The following UBE2E3 variants were observed in gnomAD, a reference collection of about 807,000 sequenced individuals.
The protein encoded by UBE2E3 is ubiquitin conjugating enzyme E2 E3.
UBE2E3 carries 5 observed loss-of-function variants against 23.6 expected under a neutral mutation model. That is an observed-to-expected ratio of 0.21 (90% CI 0.11 to 0.44). The LOEUF (loss-of-function observed/expected upper bound fraction) is 0.44, where lower values mean the gene tolerates loss of function less well. Ranked by LOEUF, UBE2E3 falls within the 20% of genes least tolerant of loss-of-function variation. The pLI is 0.99. For synonymous variants in UBE2E3, 78 were observed against 87.5 expected, an observed-to-expected ratio of 0.89 and a Z score of 0.60; for missense variants, 81 against 249.8, an observed-to-expected ratio of 0.32 and a Z score of 4.55.
intron 3 of UBE2E3, among the ~76,000 whole-genome samples, chr2:181,054,555 G>A (rs1686934780): frequency 6.6e-6 from 1 of 151,726 alleles, no homozygotes; most frequent in Non-Finnish European, 1.5e-5. Flanking sequence ...ATCTGTTCAG[G>A]TATTTCACCC....
chr2:181,039,257 C>T (rs560861857), intron 3 of UBE2E3, among the ~76,000 whole-genome samples: 1 of 148,264 alleles, frequency 6.7e-6, no homozygotes, highest in South Asian at 2.1e-4. Flanking sequence ...CAAAACTTAG[C>T]AGTGTTTATT....
At chr2:180,996,638 C>T (rs948226554) in intron 3 of UBE2E3, among the ~76,000 whole-genome samples, 1 of 151,722 alleles carries the variant, frequency 6.6e-6, no homozygotes, top group Non-Finnish European at 1.5e-5. Flanking sequence ...CTCTTCCCCC[C>T]CATTTCCAGG....
At position 181,035,163 on chromosome 2, in the gene UBE2E3, A is replaced by G. The variant is rs559974233; in HGVS notation, c.246-22530A>G. ...AAATAACTGTTTTGTTTTAATATTTATATGCATTCTATATAAGGGATAACC... is the reference window on the plus strand; with the variant it reads ...AAATAACTGTTTTGTTTTAATATTTGTATGCATTCTATATAAGGGATAACC... On this transcript the variant is annotated intron_variant, in intron 3 of 5. Transcript: ENST00000410062. Among the ~76,000 whole-genome samples the G allele has an allele frequency of 3.9e-5, 6 of 152,320 alleles. 1 individual carries two copies. In the South Asian group the frequency reaches 1.2e-3, roughly 32 times the overall value.
At chr2:181,015,974 A>G (rs1020320834) in intron 3 of UBE2E3, among the ~76,000 whole-genome samples, 1 of 125,240 alleles carries the variant, frequency 8.0e-6, no homozygotes, top group Non-Finnish European at 1.9e-5. Flanking sequence ...AGCAATGAGA[A>G]TGAGTCCAGA....
At chr2:181,055,713 T>A (rs944636956) in intron 3 of UBE2E3, among the ~76,000 whole-genome samples, 6 of 150,392 alleles carry the variant, frequency 4.0e-5, no homozygotes, top group African/African-American at 1.2e-4. Flanking sequence ...AATGTACACT[T>A]TGTCCGATGG....
chr2:181,011,845 A>C (rs924457529), intron 3 of UBE2E3, among the ~76,000 whole-genome samples: 1 of 152,176 alleles, frequency 6.6e-6, no homozygotes, highest in Admixed American at 6.5e-5. Flanking sequence ...GCAAATGATA[A>C]GGATGGACTG....
chr2:180,981,967 A>C (rs1179583690), intron 1 of UBE2E3, 51 bp from the exon 2 acceptor site: 1 of 1,347,922 alleles, frequency 7.4e-7, no homozygotes, highest in South Asian at 1.4e-5. Context: ...CTGTTGGTTT[A>C]TTTCCTAGAT....
At chr2:180,991,111 C>G (rs1483576948) in intron 3 of UBE2E3, among the ~76,000 whole-genome samples, 1 of 151,766 alleles carries the variant, frequency 6.6e-6, no homozygotes, top group African/African-American at 2.4e-5. Context: ...AGGGTTGCTA[C>G]CAAATTATTT....
At chr2:181,018,287 G>A (rs1273004170) in intron 3 of UBE2E3, among the ~76,000 whole-genome samples, 1 of 152,084 alleles carries the variant, frequency 6.6e-6, no homozygotes, top group Non-Finnish European at 1.5e-5. Flanking sequence ...TTCTGGTGAT[G>A]TACCTGTATA....
intron 2 of UBE2E3, 35 bp from the exon 3 acceptor site, chr2:180,984,008 C>G (rs751188448): frequency 3.2e-6 from 5 of 1,581,070 alleles, no homozygotes; most frequent in Middle Eastern, 1.7e-4. Context: ...TAGACTATAT[C>G]AAATCCTTTT....
At chr2:181,033,200 A>G (rs1299719481) in intron 3 of UBE2E3, among the ~76,000 whole-genome samples, 1 of 152,210 alleles carries the variant, frequency 6.6e-6, no homozygotes, top group Non-Finnish European at 1.5e-5. Context: ...ATATGGCACC[A>G]AAAAAGAGCC....
intron 3 of UBE2E3, among the ~76,000 whole-genome samples, chr2:181,041,254 G>T (rs796295637): frequency 3.5e-5 from 3 of 84,580 alleles, no homozygotes; most frequent in Non-Finnish European, 5.3e-5. Flanking sequence ...AAAAAAAAAA[G>T]ATAGATTTTT....
chr2:181,016,595 A>G (rs574584500), intron 3 of UBE2E3, among the ~76,000 whole-genome samples: 32 of 152,230 alleles, frequency 2.1e-4, no homozygotes, highest in Non-Finnish European at 4.3e-4. Flanking sequence ...TAATGGAGGT[A>G]GAATCCCAGC....
At chr2:180,987,341 G>T in intron 3 of UBE2E3, 2 of 1,549,878 alleles carry the variant, frequency 1.3e-6, no homozygotes, top group Non-Finnish European at 8.7e-7. Flanking sequence ...TTCCCAGAGG[G>T]TGTCCTTGTC....
chr2:181,060,861 C>CTTTT (rs71029902), intron 5 of UBE2E3, 49 bp downstream of exon 5: 9 of 249,096 alleles, frequency 3.6e-5, no homozygotes, highest in African/African-American at 1.7e-4. Context: ...AAAACGAGTG[C>CTTTT]TTTTTTTTTT....
intron 3 of UBE2E3, among the ~76,000 whole-genome samples, chr2:181,028,221 T>A (rs73974713): frequency 0.018 from 2,738 of 152,078 alleles, 68 homozygotes; most frequent in African/African-American, 0.063. Flanking sequence ...GTTTTAAGAT[T>A]TATTTGAGTC....
intron 3 of UBE2E3, among the ~76,000 whole-genome samples, chr2:180,990,199 A>G (rs1684613656): frequency 6.6e-6 from 1 of 152,180 alleles, no homozygotes; most frequent in Admixed American, 6.5e-5. Flanking sequence ...GACAATTGGT[A>G]ATGCCCAGAG....
Position 180,982,081 on chromosome 2 carries a change from C to T in UBE2E3, c.39C>T (p.Pro13=), listed in dbSNP as rs1172029901. Reference sequence around the variant, plus strand: ...GGCAAAGGTCCGATGATGAGAGCCCCAGCACCAGCAGTGGCAGTTCAGATG... The same window carrying T: ...GGCAAAGGTCCGATGATGAGAGCCCTAGCACCAGCAGTGGCAGTTCAGATG... ...SDRQRSDDES[P]STSSGSSDAD... The change falls in exon 2 of 6, where the codon CCC becomes CCT. Residue 13 remains proline, a synonymous_variant. Coordinates refer to ENST00000410062, the MANE Select transcript of UBE2E3 (RefSeq NM_006357.4). 1 of 1,608,876 alleles carries T rather than the reference C, an allele frequency of 6.2e-7. No homozygotes were observed. The highest frequency in any genetic ancestry group is 8.5e-7 in the Non-Finnish European group (1 of 1,178,352).
chr2:181,021,672 C>CTTCT (rs1489330306), intron 3 of UBE2E3, among the ~76,000 whole-genome samples: 1 of 132,162 alleles, frequency 7.6e-6, no homozygotes, highest in Non-Finnish European at 1.6e-5. Flanking sequence ...TCCTTCTTTC[C>CTTCT]TTCCTTCCCA....
Sources: gnomAD v4.1 joint callset for allele counts (sites outside exome capture counted in the v4.1 genomes callset) on GRCh38, gnomAD v4.1.1 for gene constraint, MANE v1.5 for transcripts, NCBI Gene and HGNC (gene_info 2026-07-23, HGNC 2026-07-21) for gene names.